RBFOX1: variants seen among roughly 807,000 people sequenced by gnomAD.
The protein encoded by RBFOX1 is RNA binding protein fox-1 homolog 1.
RBFOX1 carries 8 observed loss-of-function variants against 57.7 expected under a neutral mutation model. The ratio of observed to expected loss-of-function variants is 0.14; its 90% CI spans 0.08 to 0.25. The LOEUF (loss-of-function observed/expected upper bound fraction) is 0.25. RBFOX1 is among the 10% of genes least tolerant of loss of function. The pLI is 1.00. For missense variants in RBFOX1, 611 were observed against 548.5 expected, an observed-to-expected ratio of 1.11 and a Z score of -1.14; for synonymous variants, 326 against 222.4, an observed-to-expected ratio of 1.47 and a Z score of -4.15.
chr16:5,782,017 G>T (rs2054339680), intron 3 of RBFOX1, among the ~76,000 whole-genome samples: 1 of 152,218 alleles, frequency 6.6e-6, no homozygotes, highest in Non-Finnish European at 1.5e-5. Flanking sequence ...ACCAGCCTGG[G>T]CCAACATGGT....
intron 4 of RBFOX1, among the ~76,000 whole-genome samples, chr16:7,367,255 A>G (rs2097471888): frequency 6.6e-6 from 1 of 152,144 alleles, no homozygotes; most frequent in South Asian, 2.1e-4. Flanking sequence ...CAAAGTGTGC[A>G]TTTGAGAGTT....
intron 2 of RBFOX1, among the ~76,000 whole-genome samples, chr16:6,317,500 T>C (rs1208984998): frequency 1.3e-5 from 2 of 151,956 alleles, no homozygotes; most frequent in Admixed American, 6.6e-5. Context: ...GTTCATTTGC[T>C]CTTTTTGAGC....
intron 1 of RBFOX1, among the ~76,000 whole-genome samples, chr16:6,237,151 A>G (rs567522398): frequency 6.3e-4 from 96 of 152,348 alleles, no homozygotes; most frequent in African/African-American, 2.3e-3. Context: ...AGTCCCTAAA[A>G]TCTTACTGGC....
chr16:7,123,355 T>C (rs79899254), intron 4 of RBFOX1, among the ~76,000 whole-genome samples: 2,996 of 152,128 alleles, frequency 0.02, 98 homozygotes, highest in African/African-American at 0.069. Context: ...GAATTACCAT[T>C]GTTATTATTA....
intron 3 of RBFOX1, among the ~76,000 whole-genome samples, chr16:6,801,204 A>T (rs984589935): frequency 6.6e-6 from 1 of 151,502 alleles, no homozygotes; most frequent in Non-Finnish European, 1.5e-5. Flanking sequence ...ACATGCAAAA[A>T]AAAAAAAAAA....
intron 3 of RBFOX1, among the ~76,000 whole-genome samples, chr16:6,783,441 C>CAA (rs34445060): frequency 0.34 from 42,346 of 125,424 alleles, 6,792 homozygotes; most frequent in Non-Finnish European, 0.42. Context: ...ATGAAGCTTG[C>CAA]AAAAAAAAAA....
At chr16:7,352,830 C>G (rs1018549514) in intron 4 of RBFOX1, among the ~76,000 whole-genome samples, 17 of 152,134 alleles carry the variant, frequency 1.1e-4, no homozygotes, top group African/African-American at 3.9e-4. Context: ...ATCCTCCCAC[C>G]TCAACCTCCC....
intron 1 of RBFOX1, among the ~76,000 whole-genome samples, chr16:6,043,560 A>C (rs1185526553): frequency 6.6e-6 from 1 of 152,214 alleles, no homozygotes. Context: ...AAACTCAAAA[A>C]GGGAAAGGGC....
chr16:6,447,242 G>C (rs1157581287), intron 2 of RBFOX1, among the ~76,000 whole-genome samples: 3 of 152,110 alleles, frequency 2.0e-5, no homozygotes, highest in Non-Finnish European at 4.4e-5. Context: ...GAGTTACAGA[G>C]TCTGCCAGAA....
At chr16:6,554,474 CTG>C (rs1328469383) in intron 2 of RBFOX1, among the ~76,000 whole-genome samples, 1 of 152,116 alleles carries the variant, frequency 6.6e-6, no homozygotes, top group Non-Finnish European at 1.5e-5. Flanking sequence ...AATGGCACCA[CTG>C]TGTGAATATA....
intron 4 of RBFOX1, among the ~76,000 whole-genome samples, chr16:7,174,183 A>T (rs1340024704): frequency 2.8e-5 from 4 of 142,830 alleles, no homozygotes; most frequent in Non-Finnish European, 4.5e-5. Context: ...TCCATGATAA[A>T]CTTTTTTTTT....
intron 3 of RBFOX1, among the ~76,000 whole-genome samples, chr16:5,822,189 A>C (rs1223277978): frequency 6.6e-6 from 1 of 152,204 alleles, no homozygotes. Flanking sequence ...AGGAATGAAA[A>C]ACCAAACATC....
chr16:5,994,584 A>G (rs752266035), intron 4 of RBFOX1, among the ~76,000 whole-genome samples: 1 of 152,216 alleles, frequency 6.6e-6, no homozygotes, highest in Non-Finnish European at 1.5e-5. Context: ...CAGAGAATAG[A>G]TATTTCTGGC....
intron 1 of RBFOX1, among the ~76,000 whole-genome samples, chr16:6,267,963 T>C (rs1027685059): frequency 6.6e-6 from 1 of 152,216 alleles, no homozygotes; most frequent in Admixed American, 6.5e-5. Context: ...CCGTTTGAAG[T>C]AATTAACCCC....
At chr16:6,132,700 G>A (rs1025959358) in intron 1 of RBFOX1, among the ~76,000 whole-genome samples, 1 of 152,104 alleles carries the variant, frequency 6.6e-6, no homozygotes, top group Non-Finnish European at 1.5e-5. Context: ...GAAAAAGTGA[G>A]ATCTCTTTCT....
At chr16:6,418,519 A>ATTTTTTTTTTTTTTTTTT (rs567448072) in intron 2 of RBFOX1, among the ~76,000 whole-genome samples, 1 of 100,958 alleles carries the variant, frequency 9.9e-6, no homozygotes. Context: ...TGCAAGCCTT[A>ATTTTTTTTTTTTTTTTTT]TTTTTTTTTT....
In RBFOX1 at chr16:5,705,444, C is replaced by T. The variant is rs555337746; in HGVS notation, c.318+106483C>T. ...GTACAGATAATTTTTTAATTTTTTG[C>T]GGAGAAGGGGTTCTCACTATATTGC... On this transcript the variant is annotated intron_variant, in intron 3 of 19. Transcript: ENST00000641259. Among the ~76,000 whole-genome samples, 6 of 152,110 alleles carry T rather than the reference C, an allele frequency of 3.9e-5. No homozygotes were observed. In the South Asian group the frequency reaches 6.2e-4, roughly 16 times the overall value.
At chr16:6,417,724 A>T (rs2093664840) in intron 2 of RBFOX1, among the ~76,000 whole-genome samples, 1 of 151,232 alleles carries the variant, frequency 6.6e-6, no homozygotes, top group African/African-American at 2.4e-5. Context: ...AAAAAAAATT[A>T]AGTTCAAGGG....
intron 1 of RBFOX1, among the ~76,000 whole-genome samples, chr16:6,282,340 C>T (rs891168348): frequency 7.0e-6 from 1 of 143,338 alleles, no homozygotes; most frequent in African/African-American, 2.6e-5. Context: ...CCTTCTCATT[C>T]CTTGTACCTT....
Sources: gnomAD v4.1 joint callset for allele counts (sites outside exome capture counted in the v4.1 genomes callset) on GRCh38, gnomAD v4.1.1 for gene constraint, MANE v1.5 for transcripts, NCBI Gene and HGNC (gene_info 2026-07-23, HGNC 2026-07-21) for gene names.